HGF: variants seen among roughly 807,000 people sequenced by gnomAD.
HGF encodes hepatocyte growth factor, also known as fibroblast-derived tumor cytotoxic factor.
Under a neutral mutation model 111.6 loss-of-function variants are expected in HGF, and 39 were observed. The observed-to-expected ratio is 0.35, with a 90% confidence interval of 0.27 to 0.46. HGF has a LOEUF of 0.46. HGF is among the 20% of genes least tolerant of loss of function. The pLI, the probability that HGF is intolerant of heterozygous loss-of-function variation, is 1.00. For synonymous variants in HGF, 285 were observed against 294.8 expected (o/e 0.97, Z 0.34); for missense variants, 735 against 910.5 (o/e 0.81, Z 2.48).
In HGF at chr7:81,760,262, C is replaced by T. The variant is rs1461247359; in HGVS notation, c.255-1458G>A. 2.0e-4 allele frequency among the ~76,000 whole-genome samples: 31 copies of T among 152,130 alleles called. 1 individual carries two copies. The highest frequency in any genetic ancestry group is 4.0e-4 in the Non-Finnish European group (27 of 68,020). On this transcript the variant is annotated intron_variant, in intron 2 of 17. Transcript: ENST00000222390. The stretch of plus-strand genomic sequence containing the variant: ...GGAAGGCAATTCTAGTACCAGTTGC[C>T]AGCCATGGCTAAAAGAGGAAAGCTT...
chr7:81,699,023 T>C lies in HGF; in HGVS notation c.*3558A>G, dbSNP rs1789214520. The C allele has an allele frequency of 6.6e-6, 1 of 151,442 alleles. No homozygotes were observed. The highest frequency in any genetic ancestry group is 2.1e-4 in the South Asian group (1 of 4,834). 9.4% of individuals were successfully genotyped at this position (151,442 alleles called of 1,614,324 possible). A position where few individuals can be genotyped will look rare whatever the true frequency, so the allele number is the denominator to read the frequency against. On this transcript the variant is annotated 3_prime_UTR_variant, in exon 18 of 18. Transcript: ENST00000222390. ...AGAAAATAAGCATTTTGATAAAATA[T>C]TTTATTAATAATAATAATATAATCA...
intron 1 of HGF, among the ~76,000 whole-genome samples, chr7:81,764,367 T>C (rs1458142739): frequency 6.6e-6 from 1 of 152,148 alleles, no homozygotes; most frequent in Non-Finnish European, 1.5e-5. Context: ...TACTAATTCC[T>C]GCAATGATGC....
rs555729977 is a variant in HGF at position 81,758,522 on chromosome 7, A to T, written c.367+170T>A. ...ATGTTCTCCTTAAAGTACCATACTA[A>T]AAATAGTCAAGATACTAGTTTCAAC... is the stretch of plus-strand genomic sequence containing the variant. On this transcript the variant is annotated intron_variant, in intron 3 of 17. Transcript: ENST00000222390. 2.0e-5 allele frequency among the ~76,000 whole-genome samples: 3 copies of T among 152,226 alleles called. No individual in the cohort carries two copies. The East Asian group carries it at 5.8e-4, about 29-fold the overall frequency.
intron 2 of HGF, 67 bp downstream of exon 2, chr7:81,762,640 C>T: frequency 2.6e-6 from 3 of 1,143,388 alleles, no homozygotes; most frequent in Non-Finnish European, 4.0e-6. Context: ...ACACAAAAGA[C>T]ACATGATTAT....
chr7:81,712,103 G>A (rs996816019), intron 11 of HGF, among the ~76,000 whole-genome samples: 5 of 152,122 alleles, frequency 3.3e-5, no homozygotes, highest in Non-Finnish European at 4.4e-5. Flanking sequence ...TCTCAGGTGT[G>A]TGTTTTGATG....
intron 1 of HGF, among the ~76,000 whole-genome samples, chr7:81,767,414 A>G (rs960803733): frequency 5.3e-5 from 8 of 152,220 alleles, no homozygotes; most frequent in East Asian, 1.9e-4. Flanking sequence ...AATGAGTCCA[A>G]TAGTGCCAAT....
intron 7 of HGF, chr7:81,743,088 G>T: frequency 1.2e-6 from 1 of 813,062 alleles, no homozygotes; most frequent in Non-Finnish European, 2.0e-6. Flanking sequence ...AAATTTTCTT[G>T]ATAACATTAG....
intron 4 of HGF, among the ~76,000 whole-genome samples, chr7:81,754,642 T>C (rs1476866049): frequency 6.6e-6 from 1 of 152,048 alleles, no homozygotes; most frequent in Admixed American, 6.6e-5. Flanking sequence ...CAAAAACCTC[T>C]CTAGGACATG....
At chr7:81,741,053 C>T (rs928488808) in intron 7 of HGF, among the ~76,000 whole-genome samples, 1 of 152,172 alleles carries the variant, frequency 6.6e-6, no homozygotes, top group African/African-American at 2.4e-5. Context: ...TGAACCAAAA[C>T]ATTTAAAAGA....
intron 11 of HGF, among the ~76,000 whole-genome samples, chr7:81,714,806 C>A (rs995269130): frequency 1.3e-5 from 2 of 151,958 alleles, no homozygotes; most frequent in Non-Finnish European, 2.9e-5. Flanking sequence ...GAACTCAAAT[C>A]TTCTAAAGAT....
rs201598927 is a variant in HGF, at chr7:81,769,985, G to A, written c.-14C>T. On this transcript the variant is annotated 5_prime_UTR_variant, in exon 1 of 18. Transcript: ENST00000222390. ...GGTCACCCACATGGTGCTGCTGGAC[G>A]GGCTGGCGGATCCCTCTGGAGGAGA... The A allele has an allele frequency of 4.5e-6, 7 of 1,548,072 alleles. No individual in the cohort carries two copies. Among genetic ancestry groups the A allele is most frequent in the African/African-American group, 1.4e-5 (1 of 73,036 alleles).
chr7:81,752,979 C>A (rs763769593), intron 4 of HGF, among the ~76,000 whole-genome samples: 1 of 152,060 alleles, frequency 6.6e-6, no homozygotes, highest in South Asian at 2.1e-4. Context: ...ATTAAGCACA[C>A]TCCACTTTGT....
intron 4 of HGF, chr7:81,755,297 T>C (rs917108151): frequency 6.6e-6 from 1 of 152,284 alleles, no homozygotes; most frequent in Middle Eastern, 3.4e-3. Context: ...TTTTCTATTT[T>C]CTGTAAAATT....
intron 14 of HGF, among the ~76,000 whole-genome samples, chr7:81,707,071 G>A (rs1355486617): frequency 6.6e-6 from 1 of 151,878 alleles, no homozygotes; most frequent in Non-Finnish European, 1.5e-5. Context: ...CCCAACTGAG[G>A]GTAACACTAA....
intron 5 of HGF, among the ~76,000 whole-genome samples, chr7:81,748,837 A>G (rs1788379495): frequency 6.6e-6 from 1 of 152,248 alleles, no homozygotes; most frequent in Non-Finnish European, 1.5e-5. Flanking sequence ...GAAAACACAG[A>G]GGATTAATTT....
At chr7:81,751,706 A>T (rs1327021858) in intron 5 of HGF, 21 of 1,037,616 alleles carry the variant, frequency 2.0e-5, no homozygotes, top group African/African-American at 3.4e-5. Context: ...CCACTTCATG[A>T]TAGTTTGGAC....
At chr7:81,761,734 A>G (rs1562910102) in intron 2 of HGF, among the ~76,000 whole-genome samples, 1 of 137,414 alleles carries the variant, frequency 7.3e-6, no homozygotes, top group African/African-American at 2.7e-5. Flanking sequence ...CAAAGTAATA[A>G]GGCATCAGTT....
intron 7 of HGF, among the ~76,000 whole-genome samples, chr7:81,732,323 A>G (rs1225871337): frequency 6.6e-6 from 1 of 152,202 alleles, no homozygotes; most frequent in Non-Finnish European, 1.5e-5. Context: ...AACATTGTTG[A>G]AATTTCTAAA....
At chr7:81,759,500 G>A (rs1788952648) in intron 2 of HGF, among the ~76,000 whole-genome samples, 2 of 152,014 alleles carry the variant, frequency 1.3e-5, no homozygotes, top group Admixed American at 1.3e-4. Context: ...GCTTATATAA[G>A]CATTTTTTGT....
Sources: gnomAD v4.1 joint callset for allele counts (sites outside exome capture counted in the v4.1 genomes callset) on GRCh38, gnomAD v4.1.1 for gene constraint, MANE v1.5 for transcripts, NCBI Gene and HGNC (gene_info 2026-07-23, HGNC 2026-07-21) for gene names.